MMEL1: variants seen among roughly 807,000 people sequenced by gnomAD.
MMEL1 encodes membrane metallo-endopeptidase-like 1.
In MMEL1, 98 loss-of-function variants were observed where a neutral mutation model predicts 117.1. The observed-to-expected ratio is 0.84, with a 90% confidence interval of 0.71 to 0.99. The LOEUF (loss-of-function observed/expected upper bound fraction) is 0.99. MMEL1 is among the 50% of genes least tolerant of loss of function. The pLI is 0.00. For missense variants in MMEL1, 1,014 were observed against 1,049.1 expected, an observed-to-expected ratio of 0.97 and a Z score of 0.46; for synonymous variants, 390 against 415.1, an observed-to-expected ratio of 0.94 and a Z score of 0.74.
intron 2 of MMEL1, among the ~76,000 whole-genome samples, chr1:2,618,160 G>T (rs1410937469): frequency 6.6e-6 from 1 of 152,196 alleles, no homozygotes; most frequent in Non-Finnish European, 1.5e-5. Context: ...AATGTTGGGG[G>T]TGGGGCCTGG....
chr1:2,621,613 T>G (rs1421470136), intron 2 of MMEL1, among the ~76,000 whole-genome samples: 2 of 151,638 alleles, frequency 1.3e-5, no homozygotes, highest in African/African-American at 4.8e-5. Flanking sequence ...TCATCCATCA[T>G]CATGCAATGG....
In MMEL1 at chr1:2,591,103, G is replaced by GGTGT; in HGVS notation, c.2241-18_2241-15dup. On this transcript the variant is annotated splice_polypyrimidine_tract_variant and intron_variant, in intron 23 of 23. Coordinates refer to ENST00000378412, the MANE Select transcript of MMEL1 (RefSeq NM_033467.4). The stretch of plus-strand genomic sequence containing the variant: ...GACCCCAGTACCCTGTGGGTGGGTG[G>GGTGT]GTGTGACAGCAGGAGCATTGCCATC... 1.3e-6 allele frequency: 2 copies of GGTGT among 1,540,814 alleles called. No individual in the cohort carries two copies. The highest frequency in any genetic ancestry group is 1.8e-6 in the Non-Finnish European group (2 of 1,141,164).
At chr1:2,600,297 G>A (rs554900011) in intron 11 of MMEL1, among the ~76,000 whole-genome samples, 5 of 152,074 alleles carry the variant, frequency 3.3e-5, no homozygotes, top group Admixed American at 2.0e-4. Context: ...AAGAATATAC[G>A]TGCTTTTCTT....
intron 6 of MMEL1, 35 bp downstream of exon 6, chr1:2,609,304 C>T (rs773308131): frequency 1.3e-6 from 2 of 1,591,720 alleles, no homozygotes; most frequent in East Asian, 4.6e-5. Flanking sequence ...GCCCCCGTCC[C>T]CTGCCTCGGC....
At position 2,612,081 on chromosome 1, in the gene MMEL1, G is replaced by C; in HGVS notation, c.232+46C>G. On this transcript the variant is annotated intron_variant, in intron 3 of 23. Transcript: ENST00000378412. This position sits in a 1 kb window ranked among gnomAD's most constrained non-coding sequence, Gnocchi z 5.4. ...GGAGTCCCCCCACCTTGGGAGGCCA[G>C]CGCCCACCTGCCTGGGGCTGTTTTG... is the stretch of plus-strand genomic sequence containing the variant. The C allele has an allele frequency of 6.6e-7, 1 of 1,506,456 alleles. No homozygotes were observed. Among genetic ancestry groups the C allele is most frequent in the Non-Finnish European group, 9.1e-7 (1 of 1,104,104 alleles). 93.3% of individuals were successfully genotyped at this position (1,506,456 alleles called of 1,614,324 possible). A position where few individuals can be genotyped will look rare whatever the true frequency, so the allele number is the denominator to read the frequency against.
chr1:2,599,339 A>C (rs1447972888), intron 11 of MMEL1, among the ~76,000 whole-genome samples: 1 of 152,268 alleles, frequency 6.6e-6, no homozygotes, highest in East Asian at 1.9e-4. Flanking sequence ...TAAGCAAAAT[A>C]TTAGCAAATA....
intron 2 of MMEL1, among the ~76,000 whole-genome samples, chr1:2,628,852 C>T (rs1459315431): frequency 6.6e-6 from 1 of 151,616 alleles, no homozygotes; most frequent in Non-Finnish European, 1.5e-5. Flanking sequence ...GCGGGGGCGG[C>T]AGGACCCTCA....
chr1:2,626,154 C>T (rs759380647), intron 2 of MMEL1, among the ~76,000 whole-genome samples: 8 of 152,130 alleles, frequency 5.3e-5, no homozygotes, highest in Admixed American at 6.5e-5. Context: ...CGATTATGTA[C>T]CGATTCATGG....
At chr1:2,598,817 G>C in intron 11 of MMEL1, 27 bp from the exon 12 acceptor site, 1 of 1,588,232 alleles carries the variant, frequency 6.3e-7, no homozygotes, top group South Asian at 1.1e-5. Context: ...TGGGGAGAAA[G>C]AGGGAGAGAG....
intron 2 of MMEL1, among the ~76,000 whole-genome samples, chr1:2,627,531 A>C (rs377036947): frequency 1.3e-5 from 2 of 152,206 alleles, no homozygotes; most frequent in African/African-American, 4.8e-5. Context: ...AAAATCGATC[A>C]AGTGTTAGCC....
intron 2 of MMEL1, among the ~76,000 whole-genome samples, chr1:2,619,895 G>A (rs1400789853): frequency 6.6e-6 from 1 of 151,998 alleles, no homozygotes; most frequent in Non-Finnish European, 1.5e-5. Context: ...TCAACAAGAT[G>A]GAAAATATGA....
At chr1:2,613,905 T>C (rs1645166353) in intron 2 of MMEL1, among the ~76,000 whole-genome samples, 1 of 152,126 alleles carries the variant, frequency 6.6e-6, no homozygotes, top group Non-Finnish European at 1.5e-5. Context: ...CTACATACTG[T>C]CTGATTCCAA....
At chr1:2,620,693 C>T (rs1435236784) in intron 2 of MMEL1, among the ~76,000 whole-genome samples, 3 of 151,700 alleles carry the variant, frequency 2.0e-5, no homozygotes, top group Non-Finnish European at 2.9e-5. Flanking sequence ...TGTCTCTTTC[C>T]ACCACATGAG....
chr1:2,602,877 C>T (rs1644956307), intron 11 of MMEL1, among the ~76,000 whole-genome samples: 1 of 147,678 alleles, frequency 6.8e-6, no homozygotes, highest in Non-Finnish European at 1.5e-5. Flanking sequence ...GCTCATCCTG[C>T]CCCCTTTCTG....
chr1:2,613,152 C>T (rs1286897430), intron 2 of MMEL1, among the ~76,000 whole-genome samples: 2 of 152,216 alleles, frequency 1.3e-5, no homozygotes, highest in Non-Finnish European at 2.9e-5. Flanking sequence ...CCTGACAGGG[C>T]CCAGCCCTCA....
In MMEL1 at chr1:2,590,956, T is replaced by G; in HGVS notation, c.*34A>C. 6 of 1,447,812 alleles carry G rather than the reference T, an allele frequency of 4.1e-6. No individual in the cohort carries two copies. Among genetic ancestry groups the G allele is most frequent in the Non-Finnish European group, 5.5e-6 (6 of 1,091,384 alleles). The allele number at this position is 1,447,812 out of a possible 1,614,324, so 89.7% of individuals were successfully genotyped here. ...CGCACAGATGCCTCCGAGCAGCGGG[T>G]GGGCGTGGGCCGCACAGCGCGGCAG... On this transcript the variant is annotated 3_prime_UTR_variant, in exon 24 of 24. Transcript: ENST00000378412.
chr1:2,617,144 G>A (rs539088483), intron 2 of MMEL1, among the ~76,000 whole-genome samples: 19 of 152,144 alleles, frequency 1.2e-4, no homozygotes, highest in East Asian at 3.9e-4. Context: ...TTAGTCAGGC[G>A]TGGCCAGGCG....
At chr1:2,596,783 T>A (rs1644849477) in intron 13 of MMEL1, 94 bp from the exon 14 acceptor site, 1 of 1,482,262 alleles carries the variant, frequency 6.7e-7, no homozygotes, top group African/African-American at 1.4e-5. Flanking sequence ...CAGACCCACC[T>A]ATCCTCAGCC....
In MMEL1 at chr1:2,590,953, G is replaced by T; in HGVS notation, c.*37C>A. Reference sequence around the variant, plus strand: ...CTTCGCACAGATGCCTCCGAGCAGCGGGTGGGCGTGGGCCGCACAGCGCGG... The same window carrying T: ...CTTCGCACAGATGCCTCCGAGCAGCTGGTGGGCGTGGGCCGCACAGCGCGG... On this transcript the variant is annotated 3_prime_UTR_variant, in exon 24 of 24. Coordinates refer to ENST00000378412, the MANE Select transcript of MMEL1 (RefSeq NM_033467.4). 1 of 1,431,714 alleles carries T rather than the reference G, an allele frequency of 7.0e-7. No homozygotes were observed. Among genetic ancestry groups the T allele is most frequent in the Non-Finnish European group, 9.3e-7 (1 of 1,079,924 alleles). 88.7% of individuals were successfully genotyped at this position (1,431,714 alleles called of 1,614,324 possible).
Sources: gnomAD v4.1 joint callset for allele counts (sites outside exome capture counted in the v4.1 genomes callset) on GRCh38, gnomAD v4.1.1 for gene constraint, Gnocchi (gnomAD v3.1) non-coding constraint, MANE v1.5 for transcripts, NCBI Gene and HGNC (gene_info 2026-07-23, HGNC 2026-07-21) for gene names.